EDAR: variants seen among roughly 807,000 people sequenced by gnomAD.
EDAR encodes the protein tumor necrosis factor receptor superfamily member EDAR.
A neutral mutation model predicts 51.3 loss-of-function variants in EDAR; 38 were observed. The observed-to-expected ratio is 0.74, with a 90% CI of 0.57 to 0.97. The LOEUF (loss-of-function observed/expected upper bound fraction) is 0.97. EDAR is among the 50% of genes least tolerant of loss of function. EDAR has a pLI of 0.00. For synonymous variants in EDAR, 227 were observed against 242.1 expected (o/e 0.94, Z 0.58); for missense variants, 528 against 595.0 (o/e 0.89, Z 1.17).
chr2:108,896,831 T>C lies in EDAR; in HGVS notation c.*76A>G. The C allele has an allele frequency of 6.9e-7, 1 of 1,443,612 alleles. No homozygotes were observed. Among genetic ancestry groups the C allele is most frequent in the Non-Finnish European group, 9.5e-7 (1 of 1,053,784 alleles). The allele number at this position is 1,443,612 out of a possible 1,614,324, so 89.4% of individuals were successfully genotyped here. ...AAAAGCCTTGATTCTTGGCAGTCTT[T>C]TGGCACCACTCACAGCTCCAGAGCC... On this transcript the variant is annotated 3_prime_UTR_variant, in exon 12 of 12. Transcript: ENST00000258443.
At chr2:108,929,783 G>A (rs1281681659) in intron 3 of EDAR, among the ~76,000 whole-genome samples, 1 of 152,174 alleles carries the variant, frequency 6.6e-6, no homozygotes, top group Admixed American at 6.5e-5. Context: ...GGGAGATGCA[G>A]CACTCAGGAA....
chr2:108,910,337 G>A (rs561861127), intron 9 of EDAR, 123 bp downstream of exon 9: 39 of 782,812 alleles, frequency 5.0e-5, no homozygotes, highest in Middle Eastern at 3.5e-4. Context: ...ACTGTCTGTC[G>A]CCGAACGTCC....
chr2:108,897,075 G>T lies in EDAR; in HGVS notation c.1179C>A (p.Asp393Glu). The change falls in exon 12 of 12, where the codon GAC becomes GAA. Residue 393 changes from aspartate (D) to glutamate (E), a missense_variant. Transcript: ENST00000258443. ...LKRDEIGGMT[D>E]GMQLFDRIST... ...TGATGCGGTCAAAGAGTTGCATGCC[G>T]TCTGTCATGCCCCCAATCTCATCCC... 6.2e-7 allele frequency: 1 copy of T among 1,614,154 alleles called. No homozygotes were observed. The highest frequency in any genetic ancestry group is 1.3e-5 in the African/African-American group (1 of 75,050).
At chr2:108,949,413 G>A (rs1239795208) in intron 1 of EDAR, among the ~76,000 whole-genome samples, 3 of 152,132 alleles carry the variant, frequency 2.0e-5, no homozygotes, top group Non-Finnish European at 2.9e-5. Flanking sequence ...TACGGCTTGG[G>A]CATCTTATGC....
intron 1 of EDAR, among the ~76,000 whole-genome samples, chr2:108,987,482 T>C (rs183781): frequency 1 from 151,645 of 152,372 alleles, 75,467 homozygotes; most frequent in Middle Eastern, 1. Flanking sequence ...GCCCCTGACA[T>C]GTCTGTGCTT....
At chr2:108,937,749 ATATGAATG>A (rs1574391756) in intron 1 of EDAR, among the ~76,000 whole-genome samples, 1 of 151,884 alleles carries the variant, frequency 6.6e-6, no homozygotes, top group African/African-American at 2.4e-5. Flanking sequence ...GAGTGTATGC[ATATGAATG>A]TATGTGTGTG....
intron 3 of EDAR, among the ~76,000 whole-genome samples, chr2:108,929,672 T>C (rs1697328755): frequency 6.6e-6 from 1 of 152,162 alleles, no homozygotes; most frequent in Non-Finnish European, 1.5e-5. Context: ...GCACTTGGCA[T>C]CTGACTTTCC....
At chr2:108,938,443 G>A (rs1036526831) in intron 1 of EDAR, among the ~76,000 whole-genome samples, 26 of 152,190 alleles carry the variant, frequency 1.7e-4, no homozygotes, top group Non-Finnish European at 3.8e-4. Flanking sequence ...TGCATTTCCC[G>A]CAGTTTGTGG....
At chr2:108,962,707 A>AGG (rs1698075305) in intron 1 of EDAR, among the ~76,000 whole-genome samples, 1 of 149,544 alleles carries the variant, frequency 6.7e-6, no homozygotes, top group Non-Finnish European at 1.5e-5. Context: ...AAAAAGAGAG[A>AGG]AAGGAATGCA....
chr2:108,917,643 TA>T (rs1339783284), intron 5 of EDAR, among the ~76,000 whole-genome samples: 2 of 152,104 alleles, frequency 1.3e-5, no homozygotes, highest in African/African-American at 2.4e-5. Flanking sequence ...ATGCTAAGAC[TA>T]GAGGGGGGTC....
At chr2:108,977,565 T>A (rs781609323) in intron 1 of EDAR, among the ~76,000 whole-genome samples, 2 of 152,154 alleles carry the variant, frequency 1.3e-5, no homozygotes, top group African/African-American at 4.8e-5. Context: ...CCACCGAGCC[T>A]GGCCAGGAGC....
At chr2:108,905,633 G>C (rs1053945845) in intron 11 of EDAR, among the ~76,000 whole-genome samples, 9 of 152,150 alleles carry the variant, frequency 5.9e-5, no homozygotes, top group Non-Finnish European at 1.3e-4. Flanking sequence ...ACGGAGGGAG[G>C]CCAGCGAGTC....
chr2:108,896,735 G>C lies in EDAR; in HGVS notation c.*172C>G. 1 of 645,938 alleles carries C rather than the reference G, an allele frequency of 1.5e-6. No individual in the cohort carries two copies. Among genetic ancestry groups the C allele is most frequent in the South Asian group, 2.0e-5 (1 of 50,784 alleles). 40.0% of individuals were successfully genotyped at this position (645,938 alleles called of 1,614,324 possible). A position where few individuals can be genotyped will look rare whatever the true frequency, so the allele number is the denominator to read the frequency against. Reference sequence around the variant, plus strand: ...ATCCCGGCTCTAGTCCTTTATCTTTGGTTAAATTGGAAGACAGGCCTTATT... The same window carrying C: ...ATCCCGGCTCTAGTCCTTTATCTTTCGTTAAATTGGAAGACAGGCCTTATT... On this transcript the variant is annotated 3_prime_UTR_variant, in exon 12 of 12. Coordinates refer to ENST00000258443, the MANE Select transcript of EDAR (RefSeq NM_022336.4).
intron 1 of EDAR, among the ~76,000 whole-genome samples, chr2:108,936,662 G>A (rs1275556700): frequency 6.6e-6 from 1 of 152,154 alleles, no homozygotes; most frequent in East Asian, 1.9e-4. Context: ...TCCCTGTAGG[G>A]AGCCCGCAAG....
At chr2:108,941,942 G>A (rs1438920274) in intron 1 of EDAR, among the ~76,000 whole-genome samples, 1 of 152,224 alleles carries the variant, frequency 6.6e-6, no homozygotes, top group African/African-American at 2.4e-5. Context: ...CTGCTGCACA[G>A]AGAGGCCTGT....
intron 11 of EDAR, among the ~76,000 whole-genome samples, chr2:108,898,182 C>G (rs1696635369): frequency 6.6e-6 from 1 of 152,158 alleles, no homozygotes; most frequent in South Asian, 2.1e-4. Context: ...GTAGCAAAGG[C>G]TGAGTGGGGA....
intron 1 of EDAR, among the ~76,000 whole-genome samples, chr2:108,946,839 T>G (rs964402737): frequency 9.9e-5 from 15 of 152,074 alleles, no homozygotes; most frequent in African/African-American, 3.6e-4. Context: ...GAGATGAGAT[T>G]TGGGTGGGGA....
Position 108,896,940 on chromosome 2 carries a change from C to G in EDAR, c.1314G>C (p.Val438=). The change falls in exon 12 of 12, where the codon GTG becomes GTC. Residue 438 remains valine (V), a synonymous_variant. Coordinates refer to ENST00000258443, the MANE Select transcript of EDAR (RefSeq NM_022336.4). ...CADILEWAGV[V]PPASQPHAAS The stretch of plus-strand genomic sequence containing the variant: ...CAGCATGTGGCTGGGAGGCAGGTGG[C>G]ACAACCCCCGCCCACTCCAGTATGT... 6.2e-7 allele frequency: 1 copy of G among 1,612,900 alleles called. No individual in the cohort carries two copies. Among genetic ancestry groups the G allele is most frequent in the Non-Finnish European group, 8.5e-7 (1 of 1,179,612 alleles).
intron 11 of EDAR, among the ~76,000 whole-genome samples, 161 bp downstream of exon 11, chr2:108,906,147 C>A (rs1463086173): frequency 6.6e-6 from 1 of 152,188 alleles, no homozygotes; most frequent in Non-Finnish European, 1.5e-5. Flanking sequence ...ATTCTGTTTC[C>A]CCACACCTGA....
Sources: allele counts gnomAD v4.1 joint callset (sites outside exome capture counted in the v4.1 genomes callset), GRCh38; gene constraint gnomAD v4.1.1; transcripts MANE v1.5; gene names NCBI Gene and HGNC (gene_info 2026-07-23, HGNC 2026-07-21).